ADAMTS9: variants seen among roughly 807,000 people sequenced by gnomAD.
ADAMTS9 encodes the protein ADAM metallopeptidase with thrombospondin type 1 motif 9.
A neutral mutation model predicts 257.1 loss-of-function variants in ADAMTS9; 107 were observed. That is an observed-to-expected ratio of 0.42 (90% CI 0.36 to 0.49). ADAMTS9 has a LOEUF of 0.49. ADAMTS9 is among the 20% of genes least tolerant of loss of function. ADAMTS9 has a pLI of 0.03. For synonymous variants in ADAMTS9, 982 were observed against 880.9 expected, an observed-to-expected ratio of 1.11 and a Z score of -2.03; for missense variants, 2,353 against 2,469.1, an observed-to-expected ratio of 0.95 and a Z score of 1.00.
chr3:64,664,864 G>T (rs1701314076), intron 3 of ADAMTS9, among the ~76,000 whole-genome samples: 1 of 152,096 alleles, frequency 6.6e-6, no homozygotes, highest in African/African-American at 2.4e-5. Flanking sequence ...TTCCAAAGTG[G>T]TTACACCATT....
At chr3:64,569,263 T>G (rs759799326) in intron 28 of ADAMTS9, among the ~76,000 whole-genome samples, 1 of 152,174 alleles carries the variant, frequency 6.6e-6, no homozygotes, top group Non-Finnish European at 1.5e-5. Context: ...ATATGACAGC[T>G]TCTTGTAAAA....
At chr3:64,605,321 G>C (rs965769753) in intron 23 of ADAMTS9, among the ~76,000 whole-genome samples, 2 of 152,150 alleles carry the variant, frequency 1.3e-5, no homozygotes, top group African/African-American at 4.8e-5. Context: ...GTTCATGATT[G>C]CTTTAGATGC....
intron 38 of ADAMTS9, among the ~76,000 whole-genome samples, chr3:64,523,135 A>T (rs898345174): frequency 1.3e-5 from 2 of 152,244 alleles, no homozygotes; most frequent in African/African-American, 2.4e-5. Context: ...GTTTAACAGC[A>T]ACATCTGAAG....
At chr3:64,533,378 GATTA>G (rs2083007417) in intron 37 of ADAMTS9, 108 bp from the exon 38 acceptor site, 3 of 801,284 alleles carry the variant, frequency 3.7e-6, no homozygotes, top group Admixed American at 4.5e-5. Context: ...GAAGGATGTT[GATTA>G]ATTGTGATAG....
rs1439033005 is a variant in ADAMTS9, at chr3:64,541,629, C to T, written c.5198-9G>A. The T allele has an allele frequency of 6.2e-7, 1 of 1,608,256 alleles. No individual in the cohort carries two copies. The highest frequency in any genetic ancestry group is 2.2e-5 in the East Asian group (1 of 44,850). On this transcript the variant is annotated splice_polypyrimidine_tract_variant and intron_variant, in intron 33 of 39. Transcript: ENST00000498707. Reference sequence around the variant, plus strand: ...ATTCTGGGGTAACTCACCTAGAAAACACCAATCACAAAAAATAGGGTGTGA... The same window carrying T: ...ATTCTGGGGTAACTCACCTAGAAAATACCAATCACAAAAAATAGGGTGTGA...
At chr3:64,609,602 A>G (rs962752649) in intron 22 of ADAMTS9, among the ~76,000 whole-genome samples, 2 of 152,170 alleles carry the variant, frequency 1.3e-5, no homozygotes, top group Non-Finnish European at 2.9e-5. Flanking sequence ...TACACTAAAA[A>G]CTATAAAACT....
At chr3:64,552,227 G>A (rs1400768517) in intron 30 of ADAMTS9, among the ~76,000 whole-genome samples, 1 of 152,204 alleles carries the variant, frequency 6.6e-6, no homozygotes, top group Non-Finnish European at 1.5e-5. Context: ...ATTCCCATAA[G>A]CCAAGGGATG....
At chr3:64,636,439 T>C (rs1259468121) in intron 12 of ADAMTS9, among the ~76,000 whole-genome samples, 2 of 152,180 alleles carry the variant, frequency 1.3e-5, no homozygotes, top group Admixed American at 6.5e-5. Flanking sequence ...CGTTTGCTTA[T>C]CTGTAAAAGG....
intron 37 of ADAMTS9, among the ~76,000 whole-genome samples, chr3:64,533,650 A>G (rs147374431): frequency 2.6e-4 from 40 of 152,356 alleles, no homozygotes; most frequent in Non-Finnish European, 4.6e-4. Context: ...AGATTCCTTC[A>G]GGAACAAAAT....
intron 39 of ADAMTS9, 68 bp downstream of exon 39, chr3:64,522,098 T>G (rs986218329): frequency 7.3e-7 from 1 of 1,371,246 alleles, no homozygotes; most frequent in African/African-American, 1.4e-5. Flanking sequence ...CCTCCCACAT[T>G]TGCTCATATA....
intron 28 of ADAMTS9, among the ~76,000 whole-genome samples, chr3:64,577,345 C>A (rs887180664): frequency 2.6e-5 from 4 of 152,148 alleles, no homozygotes; most frequent in African/African-American, 9.7e-5. Context: ...GACTTCTTTT[C>A]CCTTTCAAGG....
At chr3:64,670,931 C>A (rs2107014471) in intron 3 of ADAMTS9, among the ~76,000 whole-genome samples, 1 of 152,204 alleles carries the variant, frequency 6.6e-6, no homozygotes, top group African/African-American at 2.4e-5. Context: ...ACTTTCATAC[C>A]CTGCAGGTGG....
intron 28 of ADAMTS9, among the ~76,000 whole-genome samples, chr3:64,576,243 T>G (rs1466185151): frequency 6.6e-6 from 1 of 152,212 alleles, no homozygotes; most frequent in Non-Finnish European, 1.5e-5. Context: ...TCTCAAGAAC[T>G]CCTGCGTTTC....
chr3:64,626,101 T>C (rs913797035), intron 16 of ADAMTS9, among the ~76,000 whole-genome samples: 1 of 152,206 alleles, frequency 6.6e-6, no homozygotes, highest in African/African-American at 2.4e-5. Context: ...AATGAGTTTC[T>C]TATAGGATTG....
chr3:64,670,558 C>A (rs1701462922), intron 3 of ADAMTS9, among the ~76,000 whole-genome samples: 1 of 151,974 alleles, frequency 6.6e-6, no homozygotes, highest in African/African-American at 2.4e-5. Flanking sequence ...TAAGCATTTG[C>A]AAATTAAGAG....
chr3:64,596,010 G>A (rs997534270), intron 27 of ADAMTS9, among the ~76,000 whole-genome samples: 1 of 152,176 alleles, frequency 6.6e-6, no homozygotes, highest in Non-Finnish European at 1.5e-5. Flanking sequence ...CTTAGTCACA[G>A]TATTATTAAT....
chr3:64,557,742 G>GC (rs1369315176), intron 30 of ADAMTS9, among the ~76,000 whole-genome samples: 3 of 152,228 alleles, frequency 2.0e-5, no homozygotes, highest in Non-Finnish European at 4.4e-5. Flanking sequence ...TGGCAGATGA[G>GC]CTAAGTGAAG....
chr3:64,669,640 C>T (rs139570369), intron 3 of ADAMTS9, among the ~76,000 whole-genome samples: 341 of 152,000 alleles, frequency 2.2e-3, no homozygotes, highest in African/African-American at 8.0e-3. Flanking sequence ...GGGGCAAAAC[C>T]CAACAGAGAT....
At chr3:64,667,060 G>T (rs1193843838) in intron 3 of ADAMTS9, among the ~76,000 whole-genome samples, 1 of 152,166 alleles carries the variant, frequency 6.6e-6, no homozygotes, top group Non-Finnish European at 1.5e-5. Context: ...GATGTGCCCA[G>T]TGTCAAGTAG....
Sources: allele counts gnomAD v4.1 joint callset (sites outside exome capture counted in the v4.1 genomes callset), GRCh38; gene constraint gnomAD v4.1.1; transcripts MANE v1.5; gene names NCBI Gene and HGNC (gene_info 2026-07-23, HGNC 2026-07-21).